The following WLS variants were observed in gnomAD, a reference collection of about 807,000 sequenced individuals.
The protein encoded by WLS is Wnt ligand secretion mediator.
Under a neutral mutation model 62.8 loss-of-function variants are expected in WLS, and 23 were observed. The observed-to-expected ratio is 0.37, with a 90% CI of 0.26 to 0.52. The LOEUF (loss-of-function observed/expected upper bound fraction) is 0.52, where lower values mean the gene tolerates loss of function less well. Among genes scored for constraint, WLS ranks in the 20% least tolerant of loss-of-function variants. The probability of loss-of-function intolerance (pLI) is 0.92; values close to 1 mark genes in which losing one functional copy is unlikely to be tolerated. For missense variants in WLS, 615 were observed against 697.3 expected, an observed-to-expected ratio of 0.88 and a Z score of 1.33; for synonymous variants, 246 against 244.1, an observed-to-expected ratio of 1.01 and a Z score of -0.07.
At chr1:68,198,732 T>C (rs1648820540) in intron 1 of WLS, among the ~76,000 whole-genome samples, 1 of 152,196 alleles carries the variant, frequency 6.6e-6, no homozygotes, top group East Asian at 1.9e-4. Context: ...ATAATTTTGA[T>C]GAATGTTATA....
At chr1:68,180,827 A>G (rs1647523743) in intron 2 of WLS, among the ~76,000 whole-genome samples, 1 of 152,180 alleles carries the variant, frequency 6.6e-6, no homozygotes, top group South Asian at 2.1e-4. Context: ...CACAAGAGAG[A>G]TAGATTCACT....
rs1221631010 is a variant in WLS at position 68,118,899 on chromosome 1, AAAAG to A, written c.1510+18877_1510+18880del. ...TCAAAAAAAAAAAAAAAAAAAAAAAAAAAGCACCTGGCCCAATATTAGATGTTCA... is the reference window on the plus strand; with the variant it reads ...TCAAAAAAAAAAAAAAAAAAAAAAAACACCTGGCCCAATATTAGATGTTCA... On this transcript the variant is annotated intron_variant, in intron 11 of 11. Coordinates refer to the WLS transcript ENST00000354777. Among the ~76,000 whole-genome samples, 653 of 148,876 alleles carry A rather than the reference AAAAG, an allele frequency of 4.4e-3. 7 individuals are homozygous for A. The highest frequency in any genetic ancestry group is 7.1e-3 in the Non-Finnish European group (479 of 67,008).
intron 2 of WLS, among the ~76,000 whole-genome samples, chr1:68,167,188 T>G (rs1294344717): frequency 6.6e-6 from 1 of 152,218 alleles, no homozygotes; most frequent in East Asian, 1.9e-4. Flanking sequence ...GTATTGTTGT[T>G]GACATTTTAT....
At chr1:68,109,770 C>A (rs1280831712) in intron 11 of WLS, among the ~76,000 whole-genome samples, 1 of 151,908 alleles carries the variant, frequency 6.6e-6, no homozygotes, top group Non-Finnish European at 1.5e-5. Context: ...ACATACAGCT[C>A]ATTTTACTAC....
intron 11 of WLS, among the ~76,000 whole-genome samples, chr1:68,110,719 GTA>G (rs1268898800): frequency 7.5e-6 from 1 of 132,670 alleles, no homozygotes; most frequent in African/African-American, 2.8e-5. Flanking sequence ...GTATGTGTAT[GTA>G]TATATATGTT....
chr1:68,120,478 AT>A (rs1284262469), downstream of WLS, among the ~76,000 whole-genome samples: 1 of 152,204 alleles, frequency 6.6e-6, no homozygotes, highest in East Asian at 1.9e-4. Flanking sequence ...TCTGCTGCAA[AT>A]ATGCTACTGG....
At chr1:68,133,666 G>A (rs905205108) in intron 11 of WLS, among the ~76,000 whole-genome samples, 2 of 152,210 alleles carry the variant, frequency 1.3e-5, no homozygotes, top group Non-Finnish European at 2.9e-5. Context: ...TTTGGAAAGT[G>A]ACCTTGTCTT....
intron 10 of WLS, chr1:68,141,870 A>G (rs995677015): frequency 5.3e-5 from 8 of 152,146 alleles, no homozygotes; most frequent in African/African-American, 1.9e-4. Context: ...ATGTCTATAA[A>G]TAAATCTTAG....
chr1:68,173,411 CCTCTCTCTCT>C (rs3053543), intron 2 of WLS, among the ~76,000 whole-genome samples: 6 of 149,880 alleles, frequency 4.0e-5, no homozygotes, highest in African/African-American at 1.5e-4. Flanking sequence ...CCTGCGTGCC[CCTCTCTCTCT>C]CTCTCTCTCT....
chr1:68,204,424 A>C (rs564882854), intron 1 of WLS, among the ~76,000 whole-genome samples: 2 of 151,958 alleles, frequency 1.3e-5, no homozygotes, highest in South Asian at 4.2e-4. Flanking sequence ...GGTTCACGCC[A>C]TTGTCCTGCC....
Position 68,125,516 on chromosome 1 carries a change from G to T in WLS, c.*710C>A. 2 of 985,404 alleles carry T rather than the reference G, an allele frequency of 2.0e-6. No homozygotes were observed. The highest frequency in any genetic ancestry group is 9.4e-5 in the South Asian group (2 of 21,290). 61.0% of individuals were successfully genotyped at this position (985,404 alleles called of 1,614,324 possible). A position where few individuals can be genotyped will look rare whatever the true frequency, so the allele number is the denominator to read the frequency against. ...GTTAAAAAAGCTTTTCAGACCCGAA[G>T]GCCATTTAATACAGTAAATCTTACT... On this transcript the variant is annotated 3_prime_UTR_variant, in exon 12 of 12. Transcript: ENST00000262348.
intron 1 of WLS, among the ~76,000 whole-genome samples, chr1:68,198,344 C>T (rs757035843): frequency 1.3e-5 from 2 of 152,166 alleles, no homozygotes; most frequent in Non-Finnish European, 1.5e-5. Flanking sequence ...GTTCTTTTTA[C>T]TTTATCAAAC....
intron 2 of WLS, among the ~76,000 whole-genome samples, chr1:68,187,761 C>T (rs916621373): frequency 2.6e-5 from 4 of 151,434 alleles, no homozygotes; most frequent in Non-Finnish European, 5.9e-5. Flanking sequence ...ATAATGAATA[C>T]AAAACATCAT....
intron 11 of WLS, 35 bp downstream of exon 11, chr1:68,137,745 C>T (rs746134565): frequency 5.0e-6 from 8 of 1,589,586 alleles, no homozygotes; most frequent in African/African-American, 1.4e-5. Context: ...CCTATTTATC[C>T]TGACTTAAGC....
intron 11 of WLS, among the ~76,000 whole-genome samples, chr1:68,103,451 G>A (rs1274125287): frequency 3.9e-5 from 6 of 152,208 alleles, no homozygotes; most frequent in Non-Finnish European, 7.3e-5. Flanking sequence ...GCACTGCGGT[G>A]CCCTTCTAAT....
chr1:68,187,262 G>T (rs1249158336), intron 2 of WLS, among the ~76,000 whole-genome samples: 2 of 149,862 alleles, frequency 1.3e-5, no homozygotes, highest in Non-Finnish European at 3.0e-5. Flanking sequence ...TTTTTGGTGT[G>T]GTTTTCTTGA....
At chr1:68,113,062 G>C (rs1030706335) in intron 11 of WLS, among the ~76,000 whole-genome samples, 1 of 152,128 alleles carries the variant, frequency 6.6e-6, no homozygotes, top group East Asian at 1.9e-4. Context: ...GGGGACGCTG[G>C]TCAGCCTGAG....
intron 9 of WLS, among the ~76,000 whole-genome samples, chr1:68,145,072 A>G (rs576637412): frequency 1.1e-4 from 16 of 152,318 alleles, no homozygotes; most frequent in African/African-American, 3.4e-4. Flanking sequence ...GAATTTTCTC[A>G]TGTCACTCCA....
intron 1 of WLS, among the ~76,000 whole-genome samples, chr1:68,214,360 C>G (rs1050015611): frequency 2.9e-5 from 4 of 136,164 alleles, no homozygotes; most frequent in African/African-American, 1.0e-4. Context: ...TGGCCTCCAC[C>G]AACTTACTCC....
Sources: gnomAD v4.1 joint callset for allele counts (sites outside exome capture counted in the v4.1 genomes callset) on GRCh38, gnomAD v4.1.1 for gene constraint, MANE v1.5 for transcripts, NCBI Gene and HGNC (gene_info 2026-07-23, HGNC 2026-07-21) for gene names.